The following WDR72 variants were observed in gnomAD, a reference collection of about 807,000 sequenced individuals.
WDR72 encodes WD repeat domain 72.
Under a neutral mutation model 124.2 loss-of-function variants are expected in WDR72, and 120 were observed. The observed-to-expected ratio is 0.97, with a 90% CI of 0.83 to 1.12. The LOEUF (loss-of-function observed/expected upper bound fraction) is 1.12, where lower values mean the gene tolerates loss of function less well. WDR72 is among the 50% of genes most tolerant of loss of function. WDR72 has a pLI of 0.00. For synonymous variants in WDR72, 452 were observed against 441.7 expected (o/e 1.02, Z -0.29); for missense variants, 1,387 against 1,278.8 (o/e 1.08, Z -1.29).
At chr15:53,605,722 G>C (rs989113917) in intron 17 of WDR72, among the ~76,000 whole-genome samples, 16 of 152,080 alleles carry the variant, frequency 1.1e-4, no homozygotes, top group African/African-American at 3.9e-4. Flanking sequence ...GGGCATGGTG[G>C]TTCATGCCTG....
chr15:53,689,865 A>G (rs1156462359), intron 13 of WDR72, among the ~76,000 whole-genome samples: 5 of 151,982 alleles, frequency 3.3e-5, no homozygotes, highest in African/African-American at 1.2e-4. Context: ...GCACGTATAC[A>G]CCATGGAATA....
intron 13 of WDR72, among the ~76,000 whole-genome samples, chr15:53,680,309 T>A (rs988187540): frequency 6.6e-6 from 1 of 152,222 alleles, no homozygotes; most frequent in African/African-American, 2.4e-5. Flanking sequence ...TATGATTAGA[T>A]CATAATGTAC....
At chr15:53,551,211 A>G (rs1362181136) in intron 18 of WDR72, among the ~76,000 whole-genome samples, 1 of 152,182 alleles carries the variant, frequency 6.6e-6, no homozygotes, top group Non-Finnish European at 1.5e-5. Context: ...ACTGGAGGTC[A>G]GAATACGGGG....
chr15:53,601,398 C>A (rs1198144921), intron 17 of WDR72, among the ~76,000 whole-genome samples: 1 of 152,100 alleles, frequency 6.6e-6, no homozygotes, highest in Non-Finnish European at 1.5e-5. Context: ...CCAGCCATTA[C>A]AAAAACACAC....
intron 2 of WDR72, among the ~76,000 whole-genome samples, chr15:53,731,255 C>A (rs1473408583): frequency 6.6e-6 from 1 of 152,028 alleles, no homozygotes; most frequent in Non-Finnish European, 1.5e-5. Context: ...TCTCTTTGAT[C>A]CTTTTTCACA....
At chr15:53,639,620 T>C (rs16966348) in intron 14 of WDR72, among the ~76,000 whole-genome samples, 13,835 of 150,336 alleles carry the variant, frequency 0.092, 1,605 homozygotes, top group African/African-American at 0.28. Context: ...TTTCTTGCCT[T>C]ATCTCCTAAC....
chr15:53,539,134 T>C (rs1892931494), intron 18 of WDR72, among the ~76,000 whole-genome samples: 1 of 152,174 alleles, frequency 6.6e-6, no homozygotes, highest in South Asian at 2.1e-4. Flanking sequence ...ACTAAGATTT[T>C]CTATCCAGCA....
intron 14 of WDR72, among the ~76,000 whole-genome samples, chr15:53,621,302 A>G (rs986229541): frequency 5.9e-5 from 9 of 151,906 alleles, no homozygotes; most frequent in African/African-American, 2.2e-4. Flanking sequence ...GTATGCACCC[A>G]GAGGAAAATA....
At chr15:53,525,985 C>G (rs1566942107) in intron 18 of WDR72, among the ~76,000 whole-genome samples, 1 of 151,988 alleles carries the variant, frequency 6.6e-6, no homozygotes. Flanking sequence ...TAGGCTAATC[C>G]TTGCAATTGT....
Position 53,633,230 on chromosome 15 carries a change from G to A in WDR72, c.1963-16987C>T, listed in dbSNP as rs116697754. On this transcript the variant is annotated intron_variant, in intron 14 of 19. Coordinates refer to ENST00000360509, the MANE Select transcript of WDR72 (RefSeq NM_182758.4). ...CACCATGCCCCCTTGGTACTGTACA[G>A]TGAGTGCATTCTCATGAGATACGGT... 8.4e-3 allele frequency among the ~76,000 whole-genome samples: 1,280 copies of A among 152,298 alleles called. 19 individuals are homozygous for A. The highest frequency in any genetic ancestry group is 0.03 in the African/African-American group (1,238 of 41,560).
chr15:53,523,686 T>A (rs1891944055), intron 18 of WDR72, among the ~76,000 whole-genome samples: 1 of 151,968 alleles, frequency 6.6e-6, no homozygotes, highest in Admixed American at 6.6e-5. Flanking sequence ...ATCAGGCTAG[T>A]CAATTAGAAA....
At chr15:53,717,196 C>T (rs943053922) in intron 3 of WDR72, among the ~76,000 whole-genome samples, 1 of 151,956 alleles carries the variant, frequency 6.6e-6, no homozygotes, top group South Asian at 2.1e-4. Flanking sequence ...TCATCCTTGC[C>T]ACTTAATATT....
chr15:53,738,281 A>T (rs1036146201), intron 1 of WDR72, among the ~76,000 whole-genome samples: 2 of 152,174 alleles, frequency 1.3e-5, no homozygotes, highest in Non-Finnish European at 2.9e-5. Flanking sequence ...TATATAAAAG[A>T]AGAGCAGGGT....
intron 1 of WDR72, among the ~76,000 whole-genome samples, chr15:53,758,135 A>C (rs2018963079): frequency 6.6e-6 from 1 of 152,002 alleles, no homozygotes; most frequent in African/African-American, 2.4e-5. Flanking sequence ...GCTTCCTAGT[A>C]GCTGGGATTA....
intron 18 of WDR72, among the ~76,000 whole-genome samples, chr15:53,552,637 C>T (rs1458508944): frequency 2.0e-5 from 3 of 151,936 alleles, no homozygotes; most frequent in African/African-American, 4.8e-5. Context: ...TTTATAAGAT[C>T]GAAAACAGAC....
In WDR72 at chr15:53,732,877, A is replaced by G. The variant is rs940290710; in HGVS notation, c.153+120T>C. ...AATTCAGAAGTAAAATCAATTTATT[A>G]CTTTAATAAACATCTTTTTAACAAT... On this transcript the variant is annotated intron_variant, in intron 2 of 19. Coordinates refer to ENST00000360509, the MANE Select transcript of WDR72 (RefSeq NM_182758.4). 2.5e-6 allele frequency: 3 copies of G among 1,190,952 alleles called. No homozygotes were observed. In the African/African-American group the frequency reaches 4.5e-5, roughly 18 times the overall value. The allele number at this position is 1,190,952 out of a possible 1,614,324, so 73.8% of individuals were successfully genotyped here. A position where few individuals can be genotyped will look rare whatever the true frequency, so the allele number is the denominator to read the frequency against.
intron 14 of WDR72, among the ~76,000 whole-genome samples, chr15:53,655,665 A>G (rs1621807): frequency 0.073 from 11,157 of 152,114 alleles, 1,006 homozygotes; most frequent in African/African-American, 0.21. Flanking sequence ...GTGGGAGCTC[A>G]GAAGAAAGTA....
intron 2 of WDR72, among the ~76,000 whole-genome samples, chr15:53,732,345 T>C (rs1193573449): frequency 6.6e-6 from 1 of 152,224 alleles, no homozygotes; most frequent in Non-Finnish European, 1.5e-5. Context: ...ATTAGTTTAA[T>C]TGTTCAAATT....
intron 14 of WDR72, 122 bp downstream of exon 14, chr15:53,665,450 T>C: frequency 9.5e-7 from 1 of 1,057,952 alleles, no homozygotes; most frequent in East Asian, 2.5e-5. Context: ...ACTTGGTAGA[T>C]GCAGCAGTCT....
Sources: gnomAD v4.1 joint callset for allele counts (sites outside exome capture counted in the v4.1 genomes callset) on GRCh38, gnomAD v4.1.1 for gene constraint, MANE v1.5 for transcripts, NCBI Gene and HGNC (gene_info 2026-07-23, HGNC 2026-07-21) for gene names.